SLC25A21: variants seen among roughly 807,000 people sequenced by gnomAD.
SLC25A21 encodes solute carrier family 25 member 21, also known as mitochondrial 2-oxodicarboxylate carrier.
SLC25A21 carries 47 observed loss-of-function variants against 43.8 expected under a neutral mutation model. That is an observed-to-expected ratio of 1.07 (90% CI 0.85 to 1.37). The LOEUF (loss-of-function observed/expected upper bound fraction) is 1.37, where lower values mean the gene tolerates loss of function less well. Among genes scored for constraint, SLC25A21 ranks in the 40% most tolerant of loss-of-function variants. SLC25A21 has a pLI of 0.00. For missense variants in SLC25A21, 352 were observed against 350.2 expected, an observed-to-expected ratio of 1.00 and a Z score of -0.04; for synonymous variants, 131 against 121.3, an observed-to-expected ratio of 1.08 and a Z score of -0.52.
intron 2 of SLC25A21, among the ~76,000 whole-genome samples, chr14:36,862,935 C>T (rs1890115040): frequency 6.6e-6 from 1 of 152,040 alleles, no homozygotes. Flanking sequence ...GGCAAACTAT[C>T]TCATAGGGAA....
intron 3 of SLC25A21, among the ~76,000 whole-genome samples, chr14:36,762,888 T>C (rs1430129799): frequency 6.6e-6 from 1 of 152,210 alleles, no homozygotes; most frequent in African/African-American, 2.4e-5. Flanking sequence ...TAAGAATACG[T>C]CATTATCTTG....
At chr14:37,144,983 T>A (rs114307117) in intron 1 of SLC25A21, among the ~76,000 whole-genome samples, 2,379 of 151,916 alleles carry the variant, frequency 0.016, 52 homozygotes, top group African/African-American at 0.054. Context: ...TTTGGAAGAG[T>A]CTTAACTACT....
At chr14:36,841,483 T>TC (rs1275941825) in intron 2 of SLC25A21, among the ~76,000 whole-genome samples, 4 of 152,116 alleles carry the variant, frequency 2.6e-5, no homozygotes, top group African/African-American at 7.2e-5. Context: ...TGCATTTTTT[T>TC]CCCCTTTCTT....
chr14:36,803,231 G>C (rs1887928404), intron 3 of SLC25A21, among the ~76,000 whole-genome samples: 1 of 152,124 alleles, frequency 6.6e-6, no homozygotes, highest in South Asian at 2.1e-4. Flanking sequence ...CCAGTTCATG[G>C]GGTTAAGGGG....
rs1359468519 is a variant in SLC25A21, at chr14:36,775,816, C to T, written c.203+38102G>A. ...TTTGCACTCATCAATACTAGCCATCCTATTTAACAGGTGCCCTACCCCCAC... is the reference window on the plus strand; with the variant it reads ...TTTGCACTCATCAATACTAGCCATCTTATTTAACAGGTGCCCTACCCCCAC... On this transcript the variant is annotated intron_variant, in intron 3 of 9. Coordinates refer to ENST00000331299, the MANE Select transcript of SLC25A21 (RefSeq NM_030631.4). Among the ~76,000 whole-genome samples, 4 of 152,270 alleles carry T rather than the reference C, an allele frequency of 2.6e-5. No individual in the cohort carries two copies. In the East Asian group the frequency reaches 7.7e-4, roughly 29 times the overall value.
At chr14:37,024,309 C>T (rs538734861) in intron 1 of SLC25A21, among the ~76,000 whole-genome samples, 2 of 152,116 alleles carry the variant, frequency 1.3e-5, no homozygotes, top group African/African-American at 4.8e-5. Flanking sequence ...AAATTGCATC[C>T]TAATCCTTGT....
chr14:37,052,792 C>T (rs945486814), intron 1 of SLC25A21, among the ~76,000 whole-genome samples: 1 of 152,086 alleles, frequency 6.6e-6, no homozygotes, highest in Non-Finnish European at 1.5e-5. Context: ...GCACACTACA[C>T]CATGCCAGGC....
chr14:36,914,250 G>C (rs1041779322), intron 1 of SLC25A21, among the ~76,000 whole-genome samples: 3 of 152,078 alleles, frequency 2.0e-5, no homozygotes, highest in Non-Finnish European at 4.4e-5. Context: ...TAAATGATTC[G>C]TCAGTGCTTT....
chr14:37,145,904 C>A (rs964996860), intron 1 of SLC25A21, among the ~76,000 whole-genome samples: 6 of 152,056 alleles, frequency 3.9e-5, no homozygotes, highest in African/African-American at 1.4e-4. Context: ...AAAACTAGAG[C>A]CCTTTTTTAT....
chr14:36,894,798 C>A (rs1891188717), intron 1 of SLC25A21, among the ~76,000 whole-genome samples: 1 of 152,182 alleles, frequency 6.6e-6, no homozygotes, highest in Non-Finnish European at 1.5e-5. Flanking sequence ...TTGAGATAAT[C>A]ATGTGGTTTT....
chr14:37,022,069 A>G (rs1174598204), intron 1 of SLC25A21, among the ~76,000 whole-genome samples: 1 of 151,378 alleles, frequency 6.6e-6, no homozygotes, highest in Non-Finnish European at 1.5e-5. Context: ...TTTTTTTCCT[A>G]CGAGGATTCA....
At chr14:36,772,942 C>T (rs936104755) in intron 3 of SLC25A21, among the ~76,000 whole-genome samples, 3 of 152,106 alleles carry the variant, frequency 2.0e-5, no homozygotes, top group Admixed American at 6.5e-5. Flanking sequence ...ATTGCCTATA[C>T]AAATTGCCTC....
intron 1 of SLC25A21, among the ~76,000 whole-genome samples, chr14:36,895,503 C>T (rs1349955446): frequency 1.3e-5 from 2 of 152,002 alleles, no homozygotes; most frequent in African/African-American, 2.4e-5. Flanking sequence ...TCTGGATTCA[C>T]TGATTTTTTG....
rs547476592 is a variant in SLC25A21 at position 36,770,153 on chromosome 14, A to C, written c.204-35580T>G. Among the ~76,000 whole-genome samples, 52 of 152,328 alleles carry C rather than the reference A, an allele frequency of 3.4e-4. 1 individual carries two copies. In the South Asian group the frequency reaches 0.011, roughly 31 times the overall value. On this transcript the variant is annotated intron_variant, in intron 3 of 9. Coordinates refer to ENST00000331299, the MANE Select transcript of SLC25A21 (RefSeq NM_030631.4). The stretch of plus-strand genomic sequence containing the variant: ...ATCAATGGTGGACTGGATAAAGAAA[A>C]TGTGGTACATATACACCATGGAATA...
intron 3 of SLC25A21, among the ~76,000 whole-genome samples, chr14:36,764,323 C>A (rs1410023393): frequency 6.6e-6 from 1 of 151,690 alleles, no homozygotes; most frequent in Non-Finnish European, 1.5e-5. Flanking sequence ...TGAGATGGCT[C>A]CCCTGGCCCA....
chr14:37,156,886 C>T (rs920264207), intron 1 of SLC25A21, among the ~76,000 whole-genome samples: 1 of 152,132 alleles, frequency 6.6e-6, no homozygotes, highest in Non-Finnish European at 1.5e-5. Context: ...CACAAAATAT[C>T]AACAAAGAAA....
intron 1 of SLC25A21, among the ~76,000 whole-genome samples, chr14:37,034,912 G>C (rs549373955): frequency 2.7e-4 from 41 of 152,318 alleles, no homozygotes; most frequent in Admixed American, 2.4e-3. Context: ...TTAAATCCCT[G>C]CCTAATAGGA....
intron 1 of SLC25A21, among the ~76,000 whole-genome samples, 184 bp from the exon 2 acceptor site, chr14:36,875,188 G>A (rs986436696): frequency 2.6e-5 from 4 of 152,202 alleles, no homozygotes; most frequent in African/African-American, 9.6e-5. Flanking sequence ...TTCAATGGAA[G>A]TAAGATATGT....
rs865834113 is a variant in SLC25A21 at position 37,016,074 on chromosome 14, T to C, written c.71-141070A>G. Among the ~76,000 whole-genome samples the C allele has an allele frequency of 4.5e-3, 684 of 152,188 alleles. 3 individuals carry two copies. The highest frequency in any genetic ancestry group is 0.031 in the Middle Eastern group (9 of 292). Reference sequence around the variant, plus strand: ...AGATCCGATTTGTCAATTTTGGCTTTTGTTGCCATTGCTTTTGGTGTTTTA... The same window carrying C: ...AGATCCGATTTGTCAATTTTGGCTTCTGTTGCCATTGCTTTTGGTGTTTTA... On this transcript the variant is annotated intron_variant, in intron 1 of 9. Transcript: ENST00000331299.
Sources: gnomAD v4.1 joint callset for allele counts (sites outside exome capture counted in the v4.1 genomes callset) on GRCh38, gnomAD v4.1.1 for gene constraint, MANE v1.5 for transcripts, NCBI Gene and HGNC (gene_info 2026-07-23, HGNC 2026-07-21) for gene names.